BAZ1B: variants seen among roughly 807,000 people sequenced by gnomAD.
BAZ1B encodes bromodomain adjacent to zinc finger domain 1B.
A neutral mutation model predicts 153.8 loss-of-function variants in BAZ1B; 22 were observed. The observed-to-expected ratio is 0.14, with a 90% CI of 0.10 to 0.20. The LOEUF (loss-of-function observed/expected upper bound fraction) is 0.20, where lower values mean the gene tolerates loss of function less well. Among genes scored for constraint, BAZ1B ranks in the 10% least tolerant of loss-of-function variants. The probability of loss-of-function intolerance (pLI) is 1.00; values close to 1 mark genes in which losing one functional copy is unlikely to be tolerated. For synonymous variants in BAZ1B, 676 were observed against 633.4 expected, an observed-to-expected ratio of 1.07 and a Z score of -1.01; for missense variants, 1,325 against 1,799.3, an observed-to-expected ratio of 0.74 and a Z score of 4.77.
chr7:73,509,611 C>T (rs958883814), intron 2 of BAZ1B, among the ~76,000 whole-genome samples: 2 of 151,316 alleles, frequency 1.3e-5, no homozygotes, highest in African/African-American at 4.9e-5. Context: ...GTTCCAGCTA[C>T]GTAAGAGGCT....
intron 4 of BAZ1B, 47 bp downstream of exon 4, chr7:73,498,450 T>TA: frequency 6.4e-7 from 1 of 1,550,742 alleles, no homozygotes; most frequent in Non-Finnish European, 8.9e-7. Context: ...CATAATAAAA[T>TA]AAACAGGATC....
At chr7:73,479,901 G>A (rs1232963339) in intron 6 of BAZ1B, among the ~76,000 whole-genome samples, 3 of 152,130 alleles carry the variant, frequency 2.0e-5, no homozygotes, top group Admixed American at 2.0e-4. Flanking sequence ...TGGGTGTGGA[G>A]GCTCACACCT....
chr7:73,482,868 C>T (rs899565052), intron 6 of BAZ1B, among the ~76,000 whole-genome samples: 1 of 152,190 alleles, frequency 6.6e-6, no homozygotes, highest in East Asian at 1.9e-4. Flanking sequence ...CGGCTCCCCA[C>T]GTGAGCAGTC....
At chr7:73,444,430 G>A (rs1554565847) in intron 16 of BAZ1B, among the ~76,000 whole-genome samples, 1 of 152,196 alleles carries the variant, frequency 6.6e-6, no homozygotes, top group Non-Finnish European at 1.5e-5. Context: ...TAAGGCCCCT[G>A]CAGGAATCAA....
chr7:73,472,160 A>T (rs1212485493), intron 7 of BAZ1B, among the ~76,000 whole-genome samples: 2 of 152,244 alleles, frequency 1.3e-5, no homozygotes, highest in African/African-American at 2.4e-5. Flanking sequence ...ACAGTGGAGC[A>T]GTCCAAAAAT....
chr7:73,521,913 GC>G lies in BAZ1B; in HGVS notation c.20del (p.Arg7ProfsTer7). MAPLLG[R>X]KPFPLVKPLP... ...ACGGCTTCACCAGCGGGAAGGGCTT[GC>G]GGCCCAGGAGCGGCGCCATCGCGGC... On this transcript the variant is annotated frameshift_variant, in exon 1 of 20. Coordinates refer to ENST00000339594, the MANE Select transcript of BAZ1B (RefSeq NM_032408.4). LOFTEE classifies it high-confidence loss of function. 1.3e-6 allele frequency: 2 copies of G among 1,486,520 alleles called. No individual in the cohort carries two copies. Among genetic ancestry groups the G allele is most frequent in the Admixed American group, 2.2e-5 (1 of 45,606 alleles). 92.1% of individuals were successfully genotyped at this position (1,486,520 alleles called of 1,614,324 possible). A position where few individuals can be genotyped will look rare whatever the true frequency, so the allele number is the denominator to read the frequency against.
chr7:73,505,911 T>C (rs1199249487), intron 3 of BAZ1B, among the ~76,000 whole-genome samples: 1 of 152,180 alleles, frequency 6.6e-6, no homozygotes, highest in Non-Finnish European at 1.5e-5. Flanking sequence ...GGACTATTAT[T>C]ACAATTTCGC....
intron 5 of BAZ1B, 29 bp from the exon 6 acceptor site, chr7:73,489,420 C>G (rs781962653): frequency 6.2e-6 from 10 of 1,611,570 alleles, no homozygotes; most frequent in Non-Finnish European, 6.8e-6. Context: ...AATAACTCAC[C>G]ACTGGGGTAA....
At chr7:73,497,115 T>C (rs911264321) in intron 4 of BAZ1B, among the ~76,000 whole-genome samples, 2 of 141,646 alleles carry the variant, frequency 1.4e-5, no homozygotes, top group African/African-American at 2.7e-5. Context: ...TGGTGGTGCA[T>C]GCCTACGGTC....
rs201585334 is a variant in BAZ1B, at chr7:73,521,833, G to C, written c.101C>G (p.Thr34Ser). The C allele has an allele frequency of 1.4e-5, 21 of 1,499,086 alleles. No individual in the cohort carries two copies. Among genetic ancestry groups the C allele is most frequent in the Non-Finnish European group, 1.8e-5 (20 of 1,119,280 alleles). The allele number at this position is 1,499,086 out of a possible 1,614,324, so 92.9% of individuals were successfully genotyped here. The change falls in exon 1 of 20, where the codon ACC becomes AGC. Residue 34 changes from threonine (T) to serine (S), a missense_variant. Around this residue, in one of 9 missense-constraint regions of BAZ1B, gnomAD observed 61 missense variants for 61.5 expected, o/e 0.99. Coordinates refer to ENST00000339594, the MANE Select transcript of BAZ1B (RefSeq NM_032408.4). ...TIPHTQEAFR[T>S]REEYEARLER... is the part of the protein sequence containing the mutation. ...CGCGGCTGGAAAAGGATACTCCCGG[G>C]TGCGGAAGGCCTCCTGAGTGTGCGG... is the stretch of plus-strand genomic sequence containing the variant.
intron 17 of BAZ1B, among the ~76,000 whole-genome samples, chr7:73,443,739 T>C (rs191829902): frequency 3.9e-5 from 6 of 152,202 alleles, no homozygotes; most frequent in East Asian, 3.9e-4. Flanking sequence ...CCTTAATAAG[T>C]TGCAGGCTGC....
chr7:73,442,325 A>G lies in BAZ1B; in HGVS notation c.4323T>C (p.His1441=). 1.2e-6 allele frequency: 2 copies of G among 1,614,208 alleles called. No homozygotes were observed. The highest frequency in any genetic ancestry group is 1.7e-6 in the Non-Finnish European group (2 of 1,180,042). ...CATATGGGTGGCCAGGAAGGTGTTT[A>G]TGCAACAGAGCCACTAGACACTGTT... The part of the protein sequence containing the change: ...KTEQCLVALL[H]KHLPGHPYVR... Residue 1441 remains histidine, a synonymous_variant, in exon 19 of 20, where the codon CAT becomes CAC. Transcript: ENST00000339594.
chr7:73,459,767 A>G, intron 12 of BAZ1B, 49 bp from the exon 13 acceptor site: 1 of 1,504,562 alleles, frequency 6.6e-7, no homozygotes, highest in East Asian at 2.3e-5. Flanking sequence ...CCAGAGGAAG[A>G]CGAAAGGAAT....
intron 1 of BAZ1B, among the ~76,000 whole-genome samples, chr7:73,515,613 C>G (rs1790767731): frequency 6.7e-6 from 1 of 148,704 alleles, no homozygotes; most frequent in African/African-American, 2.5e-5. Flanking sequence ...TCTCGCTTCA[C>G]TGCAACCTTT....
chr7:73,512,028 C>CAAAA (rs1168749967), intron 1 of BAZ1B, among the ~76,000 whole-genome samples: 39 of 34,746 alleles, frequency 1.1e-3, no homozygotes, highest in African/African-American at 4.2e-3. Flanking sequence ...AACTCCACCT[C>CAAAA]AAAAAAAAAA....
At position 73,477,625 on chromosome 7, in the gene BAZ1B, C is replaced by T. The variant is rs1288368974; in HGVS notation, c.1836G>A (p.Met612Ile). The change falls in exon 7 of 20, where the codon ATG becomes ATA. Residue 612 changes from methionine to isoleucine, a missense_variant. Met to Ile is a conservative substitution (Grantham distance 10). Transcript: ENST00000339594. The surrounding 1 kb of genome is among the most constrained non-coding windows in gnomAD (Gnocchi z 5.6). ...LPNTLFGDVA[M>I]VVEFLSCYSG... The stretch of plus-strand genomic sequence containing the variant: ...AATAACAGCTCAAGAATTCCACCAC[C>T]ATGGCCACATCCCCAAACAGCGTGT... 2.5e-6 allele frequency: 4 copies of T among 1,614,116 alleles called. No individual in the cohort carries two copies. The African/African-American group carries it at 4.0e-5, about 16-fold the overall frequency.
At chr7:73,447,450 C>T in intron 15 of BAZ1B, 71 bp from the exon 16 acceptor site, 2 of 1,519,324 alleles carry the variant, frequency 1.3e-6, no homozygotes, top group East Asian at 2.3e-5. Context: ...GCTCAAATCC[C>T]ACAGGGATCA....
At chr7:73,465,386 T>C (rs1788543325) in intron 11 of BAZ1B, 53 bp downstream of exon 11, 2 of 1,198,408 alleles carry the variant, frequency 1.7e-6, no homozygotes, top group African/African-American at 3.1e-5. Context: ...CAGATATTTA[T>C]ATCCAATGCT....
Position 73,442,462 on chromosome 7 carries a change from C to G in BAZ1B, c.4186G>C (p.Gly1396Arg), listed in dbSNP as rs1554565329. 1 of 1,614,212 alleles carries G rather than the reference C, an allele frequency of 6.2e-7. No homozygotes were observed. The highest frequency in any genetic ancestry group is 1.7e-5 in the Admixed American group (1 of 60,014). ...FQTVQNKCSC[G>R]SYRSVQEFLT... is the part of the protein sequence containing the mutation. ...AACTCCTGCACAGAGCGGTAGCTCC[C>G]ACAGGAACATTTGTTCTGCACTGTC... The change falls in exon 19 of 20, where the codon GGG becomes CGG. Residue 1396 changes from glycine (G) to arginine (R), a missense_variant. Around this residue, in one of 9 missense-constraint regions of BAZ1B, gnomAD observed 271 missense variants for 337.2 expected, o/e 0.80. Transcript: ENST00000339594.
Sources: gnomAD v4.1 joint callset for allele counts (sites outside exome capture counted in the v4.1 genomes callset) on GRCh38, gnomAD v4.1.1 for gene constraint, gnomAD v4.1.1 regional missense constraint, Gnocchi (gnomAD v3.1) non-coding constraint, MANE v1.5 for transcripts, NCBI Gene and HGNC (gene_info 2026-07-23, HGNC 2026-07-21) for gene names.